The following DNAJC7 variants were observed in gnomAD, a reference collection of about 807,000 sequenced individuals.
The protein encoded by DNAJC7 is DnaJ heat shock protein family (Hsp40) member C7, also known as dnaJ homolog subfamily C member 7.
Under a neutral mutation model 67.4 loss-of-function variants are expected in DNAJC7, and 18 were observed. That is an observed-to-expected ratio of 0.27 (90% confidence interval 0.18 to 0.40). The LOEUF is 0.40. Among genes scored for constraint, DNAJC7 ranks in the 10% least tolerant of loss-of-function variants. The probability of loss-of-function intolerance (pLI) is 1.00; values close to 1 mark genes in which losing one functional copy is unlikely to be tolerated. For synonymous variants in DNAJC7, 220 were observed against 207.8 expected, an observed-to-expected ratio of 1.06 and a Z score of -0.50; for missense variants, 419 against 613.8, an observed-to-expected ratio of 0.68 and a Z score of 3.35.
intron 5 of DNAJC7, among the ~76,000 whole-genome samples, chr17:41,993,873 C>T (rs1209999098): frequency 1.4e-4 from 8 of 58,160 alleles, no homozygotes; most frequent in African/African-American, 3.1e-4. Context: ...CCCGTCTCTA[C>T]TAAAAAAAAA....
chr17:42,003,100 C>A (rs2051852877), intron 1 of DNAJC7, among the ~76,000 whole-genome samples: 1 of 152,198 alleles, frequency 6.6e-6, no homozygotes, highest in Non-Finnish European at 1.5e-5. Flanking sequence ...TGTGTTGTGA[C>A]AAGTTGCCAT....
rs912269600 is a variant in DNAJC7, at chr17:41,997,019, C to T, written c.291+96G>A. 5 of 1,571,958 alleles carry T rather than the reference C, an allele frequency of 3.2e-6. No homozygotes were observed. The African/African-American group carries it at 6.8e-5, about 21-fold the overall frequency. Reference sequence around the variant, plus strand: ...CCCCACAACAAAGAATAATCTGGTCCCAAATGTCAGTAGTGTCAAGGTTGA... The same window carrying T: ...CCCCACAACAAAGAATAATCTGGTCTCAAATGTCAGTAGTGTCAAGGTTGA... On this transcript the variant is annotated intron_variant, in intron 3 of 13. Transcript: ENST00000457167.
intron 1 of DNAJC7, among the ~76,000 whole-genome samples, chr17:42,001,293 T>G (rs2051800433): frequency 6.6e-6 from 1 of 152,166 alleles, no homozygotes; most frequent in African/African-American, 2.4e-5. Flanking sequence ...TTGTACTCCC[T>G]CCAGTACCTT....
At chr17:41,986,949 A>AT (rs1469702404) in intron 9 of DNAJC7, among the ~76,000 whole-genome samples, 3 of 152,184 alleles carry the variant, frequency 2.0e-5, no homozygotes, top group Non-Finnish European at 4.4e-5. Flanking sequence ...TGGATATGAC[A>AT]TTTTATAATA....
chr17:41,980,982 T>C (rs1202754386), intron 12 of DNAJC7, among the ~76,000 whole-genome samples: 1 of 152,008 alleles, frequency 6.6e-6, no homozygotes, highest in East Asian at 1.9e-4. Flanking sequence ...TAGCACCCTA[T>C]CCCTTTATCT....
chr17:41,985,313 T>C (rs2051348461), intron 9 of DNAJC7: 1 of 152,010 alleles, frequency 6.6e-6, no homozygotes, highest in Admixed American at 6.6e-5. Context: ...AATATTATAT[T>C]AGGAGTTCAG....
At position 42,017,297 on chromosome 17, in the gene DNAJC7, G is replaced by A. The variant is rs782638638; in HGVS notation, c.77+43C>T. The A allele has an allele frequency of 1.7e-5, 28 of 1,609,034 alleles. No homozygotes were observed. The Admixed American group carries it at 4.3e-4, about 25-fold the overall frequency. ...GCAGGAACGAGTTTCCCTGAGCCAC[G>A]GAGCTGCAGGTCGCCTCCTCTACTA... On this transcript the variant is annotated intron_variant, in intron 1 of 13. Coordinates refer to ENST00000457167, the MANE Select transcript of DNAJC7 (RefSeq NM_003315.4).
chr17:42,011,529 G>T (rs1254769104), intron 1 of DNAJC7: 1 of 152,150 alleles, frequency 6.6e-6, no homozygotes, highest in African/African-American at 2.4e-5. Context: ...TAGTATCAGG[G>T]TTCAATTAAT....
intron 10 of DNAJC7, 71 bp downstream of exon 10, chr17:41,983,492 T>C: frequency 7.4e-7 from 1 of 1,351,118 alleles, no homozygotes; most frequent in Non-Finnish European, 1.0e-6. Flanking sequence ...TGAATCAAAC[T>C]ACCTTGTGTA....
chr17:42,017,258 G>C (rs2052328767), intron 1 of DNAJC7, 82 bp downstream of exon 1: 1 of 1,603,950 alleles, frequency 6.2e-7, no homozygotes, highest in African/African-American at 1.3e-5. Context: ...TCAACAGCTG[G>C]GGGCTGCATC....
At chr17:41,989,313 T>C (rs1292250198) in intron 7 of DNAJC7, 91 bp downstream of exon 7, 2 of 1,488,370 alleles carry the variant, frequency 1.3e-6, no homozygotes, top group Middle Eastern at 2.4e-4. Flanking sequence ...AGCTATCACA[T>C]TCCTTGTGAT....
rs1555647557 is a variant in DNAJC7 at position 41,990,292 on chromosome 17, G to A, written c.571C>T (p.Arg191Cys). ...LKAECLAMLG[R>C]YPEAQSVASD... ...GCCACAGACTGTGCTTCTGGATAAC[G>A]ACCCAGCATTGCTAAACATTCTGCC... is the stretch of plus-strand genomic sequence containing the variant. The change falls in exon 6 of 14, where the codon CGT becomes TGT. Residue 191 changes from arginine to cysteine, a missense_variant. By Grantham distance (180) the Arg-to-Cys change is radical. Coordinates refer to ENST00000457167, the MANE Select transcript of DNAJC7 (RefSeq NM_003315.4). 3 of 1,611,020 alleles carry A rather than the reference G, an allele frequency of 1.9e-6. No homozygotes were observed. The highest frequency in any genetic ancestry group is 1.3e-5 in the African/African-American group (1 of 75,002).
intron 1 of DNAJC7, among the ~76,000 whole-genome samples, chr17:42,005,907 AT>A (rs754072660): frequency 1.4e-5 from 2 of 142,038 alleles, no homozygotes; most frequent in South Asian, 2.3e-4. Context: ...TGCCTGGCCA[AT>A]TTTTTTTTGA....
chr17:41,990,905 C>T (rs868945513), intron 5 of DNAJC7, among the ~76,000 whole-genome samples: 1 of 151,994 alleles, frequency 6.6e-6, no homozygotes, highest in African/African-American at 2.4e-5. Flanking sequence ...CCTCGTGATC[C>T]GTCCTCCTCA....
intron 12 of DNAJC7, among the ~76,000 whole-genome samples, chr17:41,981,202 A>AT (rs797037213): frequency 7.3e-5 from 11 of 150,888 alleles, no homozygotes; most frequent in African/African-American, 1.5e-4. Context: ...TCTTCTTATT[A>AT]TTTTTTTTAA....
At chr17:41,996,967 A>G (rs1326758476) in intron 3 of DNAJC7, 148 bp downstream of exon 3, 1 of 1,279,582 alleles carries the variant, frequency 7.8e-7, no homozygotes, top group South Asian at 1.5e-5. Context: ...AGATGCTGCT[A>G]AACAACCCAC....
chr17:41,991,521 GA>G (rs1555647779), intron 5 of DNAJC7, among the ~76,000 whole-genome samples: 1 of 152,000 alleles, frequency 6.6e-6, no homozygotes, highest in South Asian at 2.1e-4. Context: ...AATAAAGGGA[GA>G]AAATCAAGGA....
At chr17:42,008,444 C>T (rs923132683) in intron 1 of DNAJC7, among the ~76,000 whole-genome samples, 15 of 150,118 alleles carry the variant, frequency 1.0e-4, no homozygotes, top group Non-Finnish European at 1.8e-4. Context: ...GAGTCTCGCT[C>T]TGTCACCCAG....
chr17:42,010,798 C>A (rs112876552), intron 1 of DNAJC7, among the ~76,000 whole-genome samples: 6 of 152,278 alleles, frequency 3.9e-5, no homozygotes, highest in African/African-American at 1.4e-4. Flanking sequence ...GGCCTCCCCA[C>A]ACAAATTGTA....
Sources: allele counts gnomAD v4.1 joint callset (sites outside exome capture counted in the v4.1 genomes callset), GRCh38; gene constraint gnomAD v4.1.1; transcripts MANE v1.5; gene names NCBI Gene and HGNC (gene_info 2026-07-23, HGNC 2026-07-21).